Variants in ELF2 observed in about 807,000 individuals in gnomAD.
The protein encoded by ELF2 is E74 like ETS transcription factor 2.
ELF2 carries 11 observed loss-of-function variants against 54.8 expected under a neutral mutation model. The observed-to-expected ratio is 0.20, with a 90% CI of 0.13 to 0.33. The LOEUF is 0.33. Among genes scored for constraint, ELF2 ranks in the 10% least tolerant of loss-of-function variants. The pLI, the probability that ELF2 is intolerant of heterozygous loss-of-function variation, is 1.00. For synonymous variants in ELF2, 203 were observed against 245.1 expected (o/e 0.83, Z 1.61); for missense variants, 513 against 703.0 (o/e 0.73, Z 3.06).
intron 1 of ELF2, among the ~76,000 whole-genome samples, chr4:139,146,878 A>G (rs545881665): frequency 2.3e-4 from 35 of 152,326 alleles, no homozygotes; most frequent in African/African-American, 8.2e-4. Flanking sequence ...CATCAACTCA[A>G]GATAGATCAA....
chr4:139,100,859 C>G (rs934600228), intron 4 of ELF2, among the ~76,000 whole-genome samples: 1 of 152,010 alleles, frequency 6.6e-6, no homozygotes, highest in Non-Finnish European at 1.5e-5. Context: ...GCATAGATTG[C>G]TGGGGGTAGG....
chr4:139,091,210 G>T (rs559551700), intron 4 of ELF2, among the ~76,000 whole-genome samples: 1 of 152,184 alleles, frequency 6.6e-6, no homozygotes, highest in African/African-American at 2.4e-5. Context: ...GATTAAAGGC[G>T]TGAGCCACCT....
intron 4 of ELF2, chr4:139,084,408 T>C (rs1330440282): frequency 1.5e-6 from 2 of 1,374,010 alleles, no homozygotes; most frequent in Non-Finnish European, 1.9e-6. Flanking sequence ...CCCCACCACC[T>C]AACGGCAGGG....
chr4:139,124,924 T>C (rs1736766630), intron 4 of ELF2, among the ~76,000 whole-genome samples: 1 of 152,224 alleles, frequency 6.6e-6, no homozygotes, highest in African/African-American at 2.4e-5. Flanking sequence ...TTTATCATTA[T>C]GTGAAGCTGT....
chr4:139,078,733 G>C (rs2148714938), intron 4 of ELF2, among the ~76,000 whole-genome samples: 2 of 151,988 alleles, frequency 1.3e-5, no homozygotes, highest in South Asian at 4.1e-4. Flanking sequence ...CTACCATACA[G>C]TACAGACCTA....
Position 139,058,112 on chromosome 4 carries a change from T to C in ELF2, c.*871A>G, listed in dbSNP as rs1244375400. 2 of 152,478 alleles carry C rather than the reference T, an allele frequency of 1.3e-5. No individual in the cohort carries two copies. Among genetic ancestry groups the C allele is most frequent in the Non-Finnish European group, 2.9e-5 (2 of 68,008 alleles). 9.4% of individuals were successfully genotyped at this position (152,478 alleles called of 1,614,324 possible). On this transcript the variant is annotated 3_prime_UTR_variant, in exon 10 of 10. Coordinates refer to ENST00000686138, the MANE Select transcript of ELF2 (RefSeq NM_001331036.3). ...AGTGACAGCAGAACTGAAAATGGTA[T>C]GTCTGCACAAATGCCAAGGCTAAGT...
chr4:139,159,251 G>A (rs1740858728), intron 1 of ELF2, among the ~76,000 whole-genome samples: 1 of 152,158 alleles, frequency 6.6e-6, no homozygotes, highest in African/African-American at 2.4e-5. Flanking sequence ...AGGAGTAGTA[G>A]AATAGCAGAT....
chr4:139,116,737 C>A lies in ELF2; in HGVS notation c.238+8427G>T, dbSNP rs897380360. ...TTTTCAGATCCCCAGTTTTTCATGTCGATCTTCTACCTCCCTGTGGCAACA... is the reference window on the plus strand; with the variant it reads ...TTTTCAGATCCCCAGTTTTTCATGTAGATCTTCTACCTCCCTGTGGCAACA... On this transcript the variant is annotated intron_variant, in intron 4 of 9. Transcript: ENST00000686138. 7 of 985,210 alleles carry A rather than the reference C, an allele frequency of 7.1e-6. No homozygotes were observed. The African/African-American group carries it at 1.2e-4, about 17-fold the overall frequency. 61.0% of individuals were successfully genotyped at this position (985,210 alleles called of 1,614,324 possible).
rs10711256 is a variant in ELF2, at chr4:139,121,095, ATTTTTTTTTTTTTTTTTTT to A, written c.238+4050_238+4068del. Among the ~76,000 whole-genome samples, 6 of 65,066 alleles carry A rather than the reference ATTTTTTTTTTTTTTTTTTT, an allele frequency of 9.2e-5. No individual in the cohort carries two copies. In the Admixed American group the frequency reaches 9.5e-4, roughly 10 times the overall value. The allele number at this position is 65,066 out of a possible 152,430, so 42.7% of individuals were successfully genotyped here. A position where few individuals can be genotyped will look rare whatever the true frequency, so the allele number is the denominator to read the frequency against. ...GCTTTGTATTTTGAATATAACACAG[ATTTTTTTTTTTTTTTTTTT>A]TTTTTTTTTTTTGAGACGGAGTCTT... is the stretch of plus-strand genomic sequence containing the variant. On this transcript the variant is annotated intron_variant, in intron 4 of 9. Coordinates refer to ENST00000686138, the MANE Select transcript of ELF2 (RefSeq NM_001331036.3).
At chr4:139,144,313 C>G (rs1323330796) in intron 1 of ELF2, among the ~76,000 whole-genome samples, 1 of 152,152 alleles carries the variant, frequency 6.6e-6, no homozygotes, top group African/African-American at 2.4e-5. Context: ...ACAAGAAGCA[C>G]CAGGGGCGGG....
chr4:139,169,211 G>A (rs956439572), intron 1 of ELF2, among the ~76,000 whole-genome samples: 7 of 152,058 alleles, frequency 4.6e-5, no homozygotes, highest in African/African-American at 1.7e-4. Flanking sequence ...AGCCAGGCAT[G>A]GTGGCGCAGG....
chr4:139,127,527 G>A lies in ELF2; in HGVS notation c.73-2198C>T, dbSNP rs1487722. ...TTTTTTCAAAATAAAATATTGTTTA[G>A]GACTATTTTCATAGGTGGCAAAACT... On this transcript the variant is annotated intron_variant, in intron 3 of 9. Coordinates refer to ENST00000686138, the MANE Select transcript of ELF2 (RefSeq NM_001331036.3). Among the ~76,000 whole-genome samples, 195 of 152,038 alleles carry A rather than the reference G, an allele frequency of 1.3e-3. 2 individuals carry two copies. The highest frequency in any genetic ancestry group is 3.4e-3 in the Middle Eastern group (1 of 292).
chr4:139,158,775 G>A (rs1740801135), intron 1 of ELF2, among the ~76,000 whole-genome samples: 1 of 152,178 alleles, frequency 6.6e-6, no homozygotes, highest in Admixed American at 6.5e-5. Context: ...GTTTCCAAGG[G>A]AGTCCAAGGG....
intron 5 of ELF2, among the ~76,000 whole-genome samples, chr4:139,072,579 AGT>A (rs1403911496): frequency 6.6e-6 from 1 of 152,346 alleles, no homozygotes; most frequent in Admixed American, 6.5e-5. Flanking sequence ...CGGTATTTAA[AGT>A]TTTATTTAAT....
In ELF2 at chr4:139,137,846, T is replaced by C; in HGVS notation, c.-145A>G. Reference sequence around the variant, plus strand: ...GTAGATATCCAGAAATCCAGTCTTCTAAAGATGATTAACCAGAAAGCCTAA... The same window carrying C: ...GTAGATATCCAGAAATCCAGTCTTCCAAAGATGATTAACCAGAAAGCCTAA... On this transcript the variant is annotated 5_prime_UTR_variant, in exon 3 of 10. Transcript: ENST00000686138. The C allele has an allele frequency of 7.5e-7, 1 of 1,340,652 alleles. No homozygotes were observed. 83.0% of individuals were successfully genotyped at this position (1,340,652 alleles called of 1,614,324 possible).
Position 139,131,370 on chromosome 4 carries a change from C to G in ELF2, c.73-6041G>C, listed in dbSNP as rs189673955. Among the ~76,000 whole-genome samples the G allele has an allele frequency of 1.2e-3, 181 of 152,236 alleles. 1 individual carries two copies. Among genetic ancestry groups the G allele is most frequent in the Non-Finnish European group, 2.0e-3 (133 of 67,996 alleles). On this transcript the variant is annotated intron_variant, in intron 3 of 9. Transcript: ENST00000686138. ...GAGAGAGATTCTTAGTTTAAAGAGGCAAGACAAGTGCAATGCTGCAGTGTT... is the reference window on the plus strand; with the variant it reads ...GAGAGAGATTCTTAGTTTAAAGAGGGAAGACAAGTGCAATGCTGCAGTGTT...
At chr4:139,118,645 T>A (rs1735997519) in intron 4 of ELF2, among the ~76,000 whole-genome samples, 1 of 150,348 alleles carries the variant, frequency 6.7e-6, no homozygotes, top group Non-Finnish European at 1.5e-5. Context: ...AAGGAAGGAA[T>A]GACAAGGAAA....
intron 1 of ELF2, among the ~76,000 whole-genome samples, chr4:139,158,464 GAGA>G (rs1053287188): frequency 2.6e-5 from 4 of 152,102 alleles, no homozygotes; most frequent in African/African-American, 9.7e-5. Flanking sequence ...GTGGTATGGA[GAGA>G]TAGTGGGCAA....
At chr4:139,109,738 T>C (rs1338883187) in intron 4 of ELF2, among the ~76,000 whole-genome samples, 1 of 152,096 alleles carries the variant, frequency 6.6e-6, no homozygotes, top group Admixed American at 6.5e-5. Flanking sequence ...AACCCAAATA[T>C]CACACTTACA....
Sources: allele counts gnomAD v4.1 joint callset (sites outside exome capture counted in the v4.1 genomes callset), GRCh38; gene constraint gnomAD v4.1.1; transcripts MANE v1.5; gene names NCBI Gene and HGNC (gene_info 2026-07-23, HGNC 2026-07-21).